The following OGDH variants were observed in gnomAD, a reference collection of about 807,000 sequenced individuals.
The protein encoded by OGDH is 2-oxoglutarate dehydrogenase complex component E1.
Under a neutral mutation model 116.6 loss-of-function variants are expected in OGDH, and 38 were observed. The observed-to-expected ratio is 0.33, with a 90% CI of 0.25 to 0.43. The LOEUF (loss-of-function observed/expected upper bound fraction) is 0.43, where lower values mean the gene tolerates loss of function less well. Among genes scored for constraint, OGDH ranks in the 20% least tolerant of loss-of-function variants. The pLI, the probability that OGDH is intolerant of heterozygous loss-of-function variation, is 1.00. For synonymous variants in OGDH, 488 were observed against 533.3 expected (o/e 0.92, Z 1.17); for missense variants, 825 against 1,357.2 (o/e 0.61, Z 6.16).
intron 2 of OGDH, among the ~76,000 whole-genome samples, chr7:44,633,946 G>T (rs1785555033): frequency 6.6e-6 from 1 of 152,208 alleles, no homozygotes; most frequent in African/African-American, 2.4e-5. Flanking sequence ...CAGTATCTTG[G>T]ATGTCATCTT....
chr7:44,627,477 T>A (rs939486880), intron 2 of OGDH, among the ~76,000 whole-genome samples: 1 of 152,214 alleles, frequency 6.6e-6, no homozygotes, highest in African/African-American at 2.4e-5. Context: ...AAATTAGAAG[T>A]GCTGTAGGAT....
intron 19 of OGDH, among the ~76,000 whole-genome samples, chr7:44,701,201 C>T (rs1189639919): frequency 6.6e-6 from 1 of 152,164 alleles, no homozygotes; most frequent in Non-Finnish European, 1.5e-5. Context: ...ATGTCACAGC[C>T]TTACATGGGC....
intron 7 of OGDH, 147 bp from the exon 8 acceptor site, chr7:44,675,031 G>A (rs1787628506): frequency 3.4e-5 from 22 of 653,950 alleles, no homozygotes; most frequent in Middle Eastern, 8.1e-4. Context: ...TCCCACATTA[G>A]CTCCAGTTTA....
At chr7:44,657,360 G>C (rs552255483) in intron 4 of OGDH, among the ~76,000 whole-genome samples, 1 of 152,276 alleles carries the variant, frequency 6.6e-6, no homozygotes, top group South Asian at 2.1e-4. Flanking sequence ...TGTAACCTTT[G>C]GGGATTGGCA....
intron 1 of OGDH, among the ~76,000 whole-genome samples, chr7:44,614,463 C>A (rs976280008): frequency 6.6e-6 from 1 of 151,680 alleles, no homozygotes; most frequent in South Asian, 2.1e-4. Flanking sequence ...TTTTCCAGCC[C>A]CTCCTTCTGC....
At chr7:44,664,212 T>C (rs1554302052) in intron 4 of OGDH, among the ~76,000 whole-genome samples, 1 of 152,152 alleles carries the variant, frequency 6.6e-6, no homozygotes, top group Non-Finnish European at 1.5e-5. Context: ...GGCACCACCT[T>C]GTTATTGCCA....
intron 9 of OGDH, chr7:44,676,451 A>G (rs1787698670): frequency 4.5e-6 from 2 of 440,884 alleles, no homozygotes; most frequent in East Asian, 4.8e-5. Context: ...GCTACTCAGG[A>G]GGCTGAGGCA....
chr7:44,677,917 T>C (rs1787769604), intron 9 of OGDH, among the ~76,000 whole-genome samples: 1 of 151,970 alleles, frequency 6.6e-6, no homozygotes, highest in Non-Finnish European at 1.5e-5. Flanking sequence ...ATTATTACTT[T>C]ACCAGGCTCT....
In OGDH at chr7:44,697,104, GAAGA is replaced by G. The variant is rs749130981; in HGVS notation, c.2051+41_2051+44del. 3 of 1,596,418 alleles carry G rather than the reference GAAGA, an allele frequency of 1.9e-6. No homozygotes were observed. The highest frequency in any genetic ancestry group is 2.6e-6 in the Non-Finnish European group (3 of 1,166,400). ...AGTTTTGTTTGCCCTCCAAAGAGTA[GAAGA>G]TGGAAAGGGAGGGGTTCTGGTGTTT... On this transcript the variant is annotated intron_variant, in intron 15 of 22. Transcript: ENST00000222673. The surrounding 1 kb of genome is among the most constrained non-coding windows in gnomAD (Gnocchi z 6.0).
intron 2 of OGDH, among the ~76,000 whole-genome samples, chr7:44,629,827 G>A (rs538370290): frequency 2.8e-4 from 42 of 152,212 alleles, no homozygotes; most frequent in African/African-American, 9.4e-4. Flanking sequence ...TGATCCGACC[G>A]CCTCGGCCTC....
At position 44,697,611 on chromosome 7, in the gene OGDH, G is replaced by A; in HGVS notation, c.2187G>A (p.Glu729=). The change falls in exon 17 of 23, where the codon GAG becomes GAA. Residue 729 remains glutamate, a synonymous_variant. Coordinates refer to ENST00000222673, the MANE Select transcript of OGDH (RefSeq NM_002541.4). This position sits in a 1 kb window ranked among gnomAD's most constrained non-coding sequence, Gnocchi z 6.0. ...TTCCTTTGTCCCTTGTAGGCTTTGA[G>A]CTGGGCTTCGCCATGGCCAGTCCTA... The part of the protein sequence containing the change: ...SLSEYGVLGF[E]LGFAMASPNA... 6.2e-7 allele frequency: 1 copy of A among 1,614,240 alleles called. No individual in the cohort carries two copies. Among genetic ancestry groups the A allele is most frequent in the Non-Finnish European group, 8.5e-7 (1 of 1,180,042 alleles).
chr7:44,670,748 A>T (rs149583644), intron 5 of OGDH, among the ~76,000 whole-genome samples: 12 of 152,038 alleles, frequency 7.9e-5, no homozygotes, highest in East Asian at 5.8e-4. Context: ...TGGTGGCTCA[A>T]GCCTGTAATC....
intron 2 of OGDH, among the ~76,000 whole-genome samples, chr7:44,640,629 A>G (rs17133676): frequency 0.094 from 14,362 of 152,084 alleles, 1,364 homozygotes; most frequent in East Asian, 0.39. Flanking sequence ...CTCTTGGGTG[A>G]CTTTGCCCTG....
intron 9 of OGDH, among the ~76,000 whole-genome samples, chr7:44,680,666 T>G (rs1787892927): frequency 6.6e-6 from 1 of 152,096 alleles, no homozygotes; most frequent in Non-Finnish European, 1.5e-5. Context: ...ATCCTGGCAG[T>G]GATGAGCACA....
intron 4 of OGDH, among the ~76,000 whole-genome samples, chr7:44,657,360 G>A (rs552255483): frequency 3.3e-5 from 5 of 152,158 alleles, no homozygotes; most frequent in Non-Finnish European, 7.3e-5. Flanking sequence ...TGTAACCTTT[G>A]GGGATTGGCA....
intron 5 of OGDH, among the ~76,000 whole-genome samples, chr7:44,667,295 T>G (rs1787227416): frequency 6.6e-6 from 1 of 152,110 alleles, no homozygotes; most frequent in South Asian, 2.1e-4. Flanking sequence ...TTGTTGCCAT[T>G]TTATAGATAG....
intron 10 of OGDH, among the ~76,000 whole-genome samples, chr7:44,683,173 T>G (rs1234642887): frequency 6.6e-6 from 1 of 151,862 alleles, no homozygotes; most frequent in Non-Finnish European, 1.5e-5. Context: ...AATAAATAAA[T>G]AAAAAAGAAA....
chr7:44,650,558 T>A (rs973922131), intron 4 of OGDH, among the ~76,000 whole-genome samples: 2 of 152,298 alleles, frequency 1.3e-5, no homozygotes, highest in African/African-American at 4.8e-5. Flanking sequence ...TCTTTTGAGA[T>A]GAGTAGCTGC....
rs557391074 is a variant in OGDH at position 44,660,947 on chromosome 7, C to T, written c.518-5789C>T. 3.4e-5 allele frequency among the ~76,000 whole-genome samples: 5 copies of T among 147,416 alleles called. No individual in the cohort carries two copies. The East Asian group carries it at 1.0e-3, about 30-fold the overall frequency. Reference sequence around the variant, plus strand: ...CTACACACACACGCGCGTGTGCACACACACACACATCTGTTAGATCCTGTT... The same window carrying T: ...CTACACACACACGCGCGTGTGCACATACACACACATCTGTTAGATCCTGTT... On this transcript the variant is annotated intron_variant, in intron 4 of 22. Transcript: ENST00000222673.
Sources: allele counts gnomAD v4.1 joint callset (sites outside exome capture counted in the v4.1 genomes callset), GRCh38; gene constraint gnomAD v4.1.1; non-coding constraint Gnocchi (gnomAD v3.1); transcripts MANE v1.5; gene names NCBI Gene and HGNC (gene_info 2026-07-23, HGNC 2026-07-21).